LRP3: variants seen among roughly 807,000 people sequenced by gnomAD.
LRP3 encodes the protein LDL receptor related protein 3, also known as low-density lipoprotein receptor-related protein 3.
A neutral mutation model predicts 58.5 loss-of-function variants in LRP3; 49 were observed. That is an observed-to-expected ratio of 0.84 (90% confidence interval 0.67 to 1.06). The LOEUF (loss-of-function observed/expected upper bound fraction) is 1.06. Ranked by LOEUF, LRP3 falls within the 50% of genes least tolerant of loss-of-function variation. LRP3 has a pLI of 0.00. For synonymous variants in LRP3, 485 were observed against 492.2 expected (o/e 0.99, Z 0.20); for missense variants, 1,019 against 1,134.2 (o/e 0.90, Z 1.46).
At position 33,206,704 on chromosome 19, in the gene LRP3, G is replaced by C; in HGVS notation, c.1696G>C (p.Glu566Gln). ...LIAQGLIPPVEDFPVYSASQA... is the reference protein window; with the variant it reads ...LIAQGLIPPVQDFPVYSASQA... Reference sequence around the variant, plus strand: ...CGCCCAGGGCCTCATTCCACCCGTGGAGGACTTTCCTGTCTACAGTGCGTC... The same window carrying C: ...CGCCCAGGGCCTCATTCCACCCGTGCAGGACTTTCCTGTCTACAGTGCGTC... The change falls in exon 6 of 7, where the codon GAG becomes CAG. Residue 566 changes from glutamate to glutamine, a missense_variant. This residue lies in a region of LRP3 where 427 missense variants were observed against 408.6 expected (regional missense o/e 1.04). Coordinates refer to ENST00000253193, the MANE Select transcript of LRP3 (RefSeq NM_002333.4). The C allele has an allele frequency of 6.5e-7, 1 of 1,540,780 alleles. No homozygotes were observed. Among genetic ancestry groups the C allele is most frequent in the Non-Finnish European group, 8.7e-7 (1 of 1,144,436 alleles).
intron 2 of LRP3, among the ~76,000 whole-genome samples, chr19:33,197,200 G>T (rs1974294979): frequency 6.6e-6 from 1 of 152,164 alleles, no homozygotes; most frequent in Non-Finnish European, 1.5e-5. Flanking sequence ...GGGAAAGAAG[G>T]CTTTATTAAT....
chr19:33,204,514 G>T, intron 3 of LRP3, 124 bp from the exon 4 acceptor site: 1 of 702,772 alleles, frequency 1.4e-6, no homozygotes, highest in Non-Finnish European at 2.5e-6. Flanking sequence ...AGGAGTGGGG[G>T]CAGCCGGCCG....
Position 33,205,584 on chromosome 19 carries a change from G to C in LRP3, c.814G>C (p.Gly272Arg), listed in dbSNP as rs771582544. ...YGSFASPDLF[G>R]AARGPSDLHC... ...CTCCTTTGCCTCCCCAGACCTGTTCGGCGCCGCTCGCGGGCCCTCAGACCT... is the reference window on the plus strand; with the variant it reads ...CTCCTTTGCCTCCCCAGACCTGTTCCGCGCCGCTCGCGGGCCCTCAGACCT... Residue 272 changes from glycine (G) to arginine (R), a missense_variant, in exon 5 of 7, where the codon GGC (glycine) becomes CGC (arginine). Gly to Arg is a moderately radical substitution (Grantham distance 125). Coordinates refer to ENST00000253193, the MANE Select transcript of LRP3 (RefSeq NM_002333.4). 11 of 1,609,554 alleles carry C rather than the reference G, an allele frequency of 6.8e-6. No homozygotes were observed. Among genetic ancestry groups the C allele is most frequent in the Non-Finnish European group, 9.3e-6 (11 of 1,179,186 alleles).
At chr19:33,198,855 C>T (rs1370888045) in intron 2 of LRP3, among the ~76,000 whole-genome samples, 2 of 152,206 alleles carry the variant, frequency 1.3e-5, no homozygotes, top group Admixed American at 6.5e-5. Context: ...TCCCCGTCGT[C>T]GGATTACACC....
rs868167683 is a variant in LRP3 at position 33,206,025 on chromosome 19, G to A, written c.1255G>A (p.Asp419Asn). 5 of 1,588,166 alleles carry A rather than the reference G, an allele frequency of 3.1e-6. No individual in the cohort carries two copies. Among genetic ancestry groups the A allele is most frequent in the Non-Finnish European group, 3.4e-6 (4 of 1,168,314 alleles). The change falls in exon 5 of 7, where the codon GAC becomes AAC. Residue 419 changes from aspartate (D) to asparagine (N), a missense_variant. Around this residue, in one of 2 missense-constraint regions of LRP3, gnomAD observed 592 missense variants for 725.5 expected, o/e 0.82. Coordinates refer to ENST00000253193, the MANE Select transcript of LRP3 (RefSeq NM_002333.4). ...DEQGCPACPPDQYPCEGGSGL... is the reference protein window; with the variant it reads ...DEQGCPACPPNQYPCEGGSGL... Reference sequence around the variant, plus strand: ...GCAGGGCTGCCCTGCCTGCCCGCCCGACCAGTACCCCTGCGAGGGTGGCAG... The same window carrying A: ...GCAGGGCTGCCCTGCCTGCCCGCCCAACCAGTACCCCTGCGAGGGTGGCAG...
Position 33,206,731 on chromosome 19 carries a change from C to T in LRP3, c.1723C>T (p.Gln575Ter), listed in dbSNP as rs766048088. The T allele has an allele frequency of 6.6e-7, 1 of 1,517,090 alleles. No homozygotes were observed. The highest frequency in any genetic ancestry group is 2.3e-5 in the East Asian group (1 of 43,880). The allele number at this position is 1,517,090 out of a possible 1,614,324, so 94.0% of individuals were successfully genotyped here. The change falls in exon 6 of 7, where the codon CAG becomes TAG. Residue 575 changes from glutamine (Q) to a stop codon, truncating the protein, a stop_gained and splice_region_variant. Coordinates refer to ENST00000253193, the MANE Select transcript of LRP3 (RefSeq NM_002333.4). LOFTEE classifies it high-confidence loss of function. ...GGACTTTCCTGTCTACAGTGCGTCC[C>T]AGGTGAGCCCCCGGAGGGCGTGAGG... Reference protein sequence around the residue: ...VEDFPVYSASQASVLQNLRTA... With the variant: ...VEDFPVYSAS
chr19:33,200,349 G>A (rs896172259), intron 2 of LRP3, among the ~76,000 whole-genome samples: 3 of 151,882 alleles, frequency 2.0e-5, no homozygotes, highest in African/African-American at 2.4e-5. Context: ...CTCCTGCCTC[G>A]GCCTCCTGAG....
At chr19:33,199,571 G>A (rs977312388) in intron 2 of LRP3, among the ~76,000 whole-genome samples, 1 of 152,150 alleles carries the variant, frequency 6.6e-6, no homozygotes, top group African/African-American at 2.4e-5. Context: ...GCATGAGGCT[G>A]GGCTGCTGCT....
At chr19:33,194,917 G>T in intron 1 of LRP3, 59 bp downstream of exon 1, 1 of 921,946 alleles carries the variant, frequency 1.1e-6, no homozygotes, top group Non-Finnish European at 1.4e-6. Flanking sequence ...TCCGCGCCGC[G>T]CCCTGACCGA....
chr19:33,206,543 G>C, intron 5 of LRP3, 58 bp from the exon 6 acceptor site: 1 of 1,590,576 alleles, frequency 6.3e-7, no homozygotes, highest in Non-Finnish European at 8.6e-7. Flanking sequence ...TCCTGTTGTT[G>C]TTCCTGCTGC....
chr19:33,194,726 C>A lies in LRP3; in HGVS notation c.-60C>A. 1.8e-6 allele frequency: 1 copy of A among 558,268 alleles called. No homozygotes were observed. Among genetic ancestry groups the A allele is most frequent in the Non-Finnish European group, 2.3e-6 (1 of 440,016 alleles). The allele number at this position is 558,268 out of a possible 1,614,324, so 34.6% of individuals were successfully genotyped here. A position where few individuals can be genotyped will look rare whatever the true frequency, so the allele number is the denominator to read the frequency against. On this transcript the variant is annotated 5_prime_UTR_variant, in exon 1 of 7. Transcript: ENST00000253193. ...GCCAGAGCCAGAGCCGGAGCCGCAG[C>A]CGGAACCGGAGCCGGAGCCGCGGGG...
At chr19:33,199,942 C>T (rs1249751460) in intron 2 of LRP3, among the ~76,000 whole-genome samples, 2 of 152,326 alleles carry the variant, frequency 1.3e-5, no homozygotes, top group Non-Finnish European at 2.9e-5. Context: ...CTATGTCTGT[C>T]CCCTAGGGGA....
rs753250271 is a variant in LRP3, at chr19:33,205,719, C to T, written c.949C>T (p.Arg317Cys). 1.1e-5 allele frequency: 18 copies of T among 1,600,426 alleles called. No homozygotes were observed. Among genetic ancestry groups the T allele is most frequent in the South Asian group, 5.5e-5 (5 of 90,534 alleles). ...YVQVYEGLGERGDRLLQTLSY... is the reference protein window; with the variant it reads ...YVQVYEGLGECGDRLLQTLSY... ...GCAGGTATACGAGGGCCTGGGCGAG[C>T]GCGGGGACCGCCTGCTGCAGACGCT... Residue 317 changes from arginine (R) to cysteine (C), a missense_variant, in exon 5 of 7, where the codon CGC becomes TGC. Coordinates refer to ENST00000253193, the MANE Select transcript of LRP3 (RefSeq NM_002333.4).
chr19:33,194,725 G>GCCGGAA lies in LRP3; in HGVS notation c.-55_-50dup, dbSNP rs1467144084. On this transcript the variant is annotated 5_prime_UTR_variant, in exon 1 of 7. Coordinates refer to ENST00000253193, the MANE Select transcript of LRP3 (RefSeq NM_002333.4). ...AGCCAGAGCCAGAGCCGGAGCCGCA[G>GCCGGAA]CCGGAACCGGAGCCGGAGCCGCGGG... 5.4e-6 allele frequency: 3 copies of GCCGGAA among 552,478 alleles called. No individual in the cohort carries two copies. The highest frequency in any genetic ancestry group is 2.1e-5 in the African/African-American group (1 of 48,454). 34.2% of individuals were successfully genotyped at this position (552,478 alleles called of 1,614,324 possible). A position where few individuals can be genotyped will look rare whatever the true frequency, so the allele number is the denominator to read the frequency against.
chr19:33,200,950 G>A (rs1308352037), intron 2 of LRP3, among the ~76,000 whole-genome samples: 3 of 152,190 alleles, frequency 2.0e-5, no homozygotes, highest in Admixed American at 6.5e-5. Flanking sequence ...GGGGGTTACT[G>A]GCTCCCTATT....
Position 33,208,624 on chromosome 19 carries a change from C to T in LRP3, c.*1049C>T. 2 of 529,328 alleles carry T rather than the reference C, an allele frequency of 3.8e-6. 1 individual carries two copies. Among genetic ancestry groups the T allele is most frequent in the Non-Finnish European group, 6.8e-6 (2 of 296,094 alleles). The allele number at this position is 529,328 out of a possible 1,614,324, so 32.8% of individuals were successfully genotyped here. On this transcript the variant is annotated 3_prime_UTR_variant, in exon 7 of 7. Transcript: ENST00000253193. This position sits in a 1 kb window ranked among gnomAD's most constrained non-coding sequence, Gnocchi z 4.7. ...CACCCACCGAGGTACGCCCCAGCCA[C>T]TCCCATCTGTGCCCATCAGGGACTC...
chr19:33,196,151 G>A (rs574992296), intron 1 of LRP3, among the ~76,000 whole-genome samples: 15 of 152,278 alleles, frequency 9.9e-5, no homozygotes, highest in Non-Finnish European at 1.5e-4. Flanking sequence ...GGATGGTTCC[G>A]TCACTAGCTG....
Position 33,194,396 on chromosome 19 carries a change from C to G in LRP3, c.-390C>G, listed in dbSNP as rs2145445131. Among the ~76,000 whole-genome samples, 1 of 143,170 alleles carries G rather than the reference C, an allele frequency of 7.0e-6. No homozygotes were observed. The highest frequency in any genetic ancestry group is 2.2e-4 in the East Asian group (1 of 4,610). The allele number at this position is 143,170 out of a possible 152,430, so 93.9% of individuals were successfully genotyped here. A position where few individuals can be genotyped will look rare whatever the true frequency, so the allele number is the denominator to read the frequency against. The stretch of plus-strand genomic sequence containing the variant: ...GGGCTGGGCGCAGCGCGGGGCGGCC[C>G]GGGGACGCCGGGGCCGGGCGGGCTG... On this transcript the variant is annotated 5_prime_UTR_variant, in exon 1 of 7. Coordinates refer to ENST00000253193, the MANE Select transcript of LRP3 (RefSeq NM_002333.4).
At chr19:33,206,779 A>C in intron 6 of LRP3, 46 bp downstream of exon 6, 1 of 1,494,490 alleles carries the variant, frequency 6.7e-7, no homozygotes, top group South Asian at 1.4e-5. Flanking sequence ...CACTTGGGAC[A>C]GTGTGCGGAG....
Sources: gnomAD v4.1 joint callset for allele counts (sites outside exome capture counted in the v4.1 genomes callset) on GRCh38, gnomAD v4.1.1 for gene constraint, gnomAD v4.1.1 regional missense constraint, Gnocchi (gnomAD v3.1) non-coding constraint, MANE v1.5 for transcripts, NCBI Gene and HGNC (gene_info 2026-07-23, HGNC 2026-07-21) for gene names.